SGMS1: variants seen among roughly 807,000 people sequenced by gnomAD.
The protein encoded by SGMS1 is sphingomyelin synthase 1, also known as phosphatidylcholine:ceramide cholinephosphotransferase 1.
A neutral mutation model predicts 46.2 loss-of-function variants in SGMS1; 13 were observed. That is an observed-to-expected ratio of 0.28 (90% CI 0.18 to 0.45). The LOEUF (loss-of-function observed/expected upper bound fraction) is 0.45. SGMS1 is among the 20% of genes least tolerant of loss of function. The probability of loss-of-function intolerance (pLI) is 1.00; values close to 1 mark genes in which losing one functional copy is unlikely to be tolerated. For missense variants in SGMS1, 324 were observed against 519.9 expected (o/e 0.62, Z 3.66); for synonymous variants, 203 against 187.8 (o/e 1.08, Z -0.66).
At chr10:50,593,871 G>T (rs1261261911) in intron 1 of SGMS1, among the ~76,000 whole-genome samples, 1 of 152,126 alleles carries the variant, frequency 6.6e-6, no homozygotes, top group African/African-American at 2.4e-5. Flanking sequence ...ACCCTCTGGG[G>T]ATTTTGCAAT....
chr10:50,315,622 T>C (rs1481168697), intron 8 of SGMS1, among the ~76,000 whole-genome samples: 2 of 152,254 alleles, frequency 1.3e-5, no homozygotes, highest in Non-Finnish European at 2.9e-5. Context: ...GTTTTTTGGC[T>C]GCATTCAGTG....
chr10:50,519,733 A>C (rs1165735791), intron 3 of SGMS1, 98 bp downstream of exon 3: 1 of 152,378 alleles, frequency 6.6e-6, no homozygotes, highest in East Asian at 1.9e-4. Flanking sequence ...ATGCCATCAG[A>C]GCCTCACATA....
chr10:50,472,661 T>C (rs1564923178), intron 3 of SGMS1, among the ~76,000 whole-genome samples: 1 of 152,186 alleles, frequency 6.6e-6, no homozygotes, highest in Non-Finnish European at 1.5e-5. Context: ...CTCTTCTACA[T>C]TCAGATCAAA....
intron 6 of SGMS1, among the ~76,000 whole-genome samples, chr10:50,402,172 A>C (rs1043157001): frequency 1.3e-5 from 2 of 152,248 alleles, no homozygotes; most frequent in Admixed American, 1.3e-4. Flanking sequence ...GTCCGCATTG[A>C]AATGGATGCG....
intron 2 of SGMS1, among the ~76,000 whole-genome samples, chr10:50,527,622 G>C (rs1837915688): frequency 6.6e-6 from 1 of 152,070 alleles, no homozygotes; most frequent in South Asian, 2.1e-4. Flanking sequence ...TATGATAAGG[G>C]CCCAGTAGGA....
intron 7 of SGMS1, among the ~76,000 whole-genome samples, chr10:50,333,776 C>T (rs1847666038): frequency 6.6e-6 from 1 of 152,098 alleles, no homozygotes; most frequent in Non-Finnish European, 1.5e-5. Flanking sequence ...TCCTAGGTAC[C>T]CATACAGGGT....
At chr10:50,339,245 T>A (rs1396531886) in intron 7 of SGMS1, among the ~76,000 whole-genome samples, 1 of 152,220 alleles carries the variant, frequency 6.6e-6, no homozygotes, top group African/African-American at 2.4e-5. Context: ...CTCACTGACC[T>A]CCTGCATCAG....
intron 2 of SGMS1, among the ~76,000 whole-genome samples, chr10:50,572,638 T>C (rs1162090007): frequency 6.6e-6 from 1 of 152,190 alleles, no homozygotes; most frequent in Non-Finnish European, 1.5e-5. Context: ...ACAGTTTTCA[T>C]TTCTAAAACT....
intron 1 of SGMS1, among the ~76,000 whole-genome samples, chr10:50,607,010 A>C: frequency 6.9e-6 from 1 of 145,342 alleles, no homozygotes; most frequent in Admixed American, 6.9e-5. Context: ...ACAAGGTCTC[A>C]CTCCATCACC....
intron 3 of SGMS1, among the ~76,000 whole-genome samples, chr10:50,479,094 AAATATGTT>A (rs1040374626): frequency 7.4e-4 from 94 of 127,338 alleles, no homozygotes; most frequent in African/African-American, 2.4e-3. Flanking sequence ...CTCCAGCCTT[AAATATGTT>A]AATGAGTATA....
intron 2 of SGMS1, among the ~76,000 whole-genome samples, chr10:50,534,227 CA>C (rs1837980055): frequency 1.3e-5 from 2 of 152,050 alleles, no homozygotes; most frequent in Admixed American, 1.3e-4. Flanking sequence ...AGGAGACAGT[CA>C]AAGAGGGCTC....
chr10:50,534,809 AG>A (rs1837985286), intron 2 of SGMS1, among the ~76,000 whole-genome samples: 1 of 152,236 alleles, frequency 6.6e-6, no homozygotes, highest in Non-Finnish European at 1.5e-5. Context: ...TACACCAAAT[AG>A]GTTAACAAAA....
intron 6 of SGMS1, among the ~76,000 whole-genome samples, chr10:50,380,476 G>C (rs1001741212): frequency 9.9e-5 from 15 of 152,078 alleles, no homozygotes; most frequent in African/African-American, 3.6e-4. Flanking sequence ...CGCTACCCAG[G>C]TCTGGAGTAT....
At chr10:50,454,050 C>CAAAAAAAAAAACAAAAA (rs1837157338) in intron 5 of SGMS1, among the ~76,000 whole-genome samples, 1 of 98,016 alleles carries the variant, frequency 1.0e-5, no homozygotes, top group African/African-American at 3.8e-5. Flanking sequence ...TTTACATAGG[C>CAAAAAAAAAAACAAAAA]AAAAAAAAAA....
intron 5 of SGMS1, among the ~76,000 whole-genome samples, chr10:50,440,024 T>C (rs1002704520): frequency 3.3e-5 from 5 of 152,162 alleles, no homozygotes; most frequent in Non-Finnish European, 7.4e-5. Flanking sequence ...AGTAACCACA[T>C]CTAAACAAGC....
At chr10:50,561,208 GCATGTGAATGTTTAC>G (rs1243345503) in intron 2 of SGMS1, among the ~76,000 whole-genome samples, 1 of 152,126 alleles carries the variant, frequency 6.6e-6, no homozygotes, top group Non-Finnish European at 1.5e-5. Context: ...TTGCTAAATG[GCATGTGAATGTTTAC>G]CGTGTTTTGG....
chr10:50,499,260 G>A (rs1312902194), intron 3 of SGMS1, among the ~76,000 whole-genome samples: 1 of 152,130 alleles, frequency 6.6e-6, no homozygotes, highest in Non-Finnish European at 1.5e-5. Context: ...CTAAGCCTTG[G>A]TTTTCTCATT....
intron 6 of SGMS1, among the ~76,000 whole-genome samples, chr10:50,383,639 A>G (rs1284056546): frequency 6.6e-6 from 1 of 152,182 alleles, no homozygotes; most frequent in Non-Finnish European, 1.5e-5. Flanking sequence ...TGGTTAAACA[A>G]AAAACTTTGA....
At chr10:50,496,566 T>C (rs1229538802) in intron 3 of SGMS1, among the ~76,000 whole-genome samples, 1 of 152,148 alleles carries the variant, frequency 6.6e-6, no homozygotes, top group African/African-American at 2.4e-5. Context: ...GCCCACTTAA[T>C]AATGTCCAGA....
Sources: gnomAD v4.1 joint callset for allele counts (sites outside exome capture counted in the v4.1 genomes callset) on GRCh38, gnomAD v4.1.1 for gene constraint, MANE v1.5 for transcripts, NCBI Gene and HGNC (gene_info 2026-07-23, HGNC 2026-07-21) for gene names.